The following PKHD1 variants were observed in gnomAD, a reference collection of about 807,000 sequenced individuals.
The protein encoded by PKHD1 is PKHD1 ciliary IPT domain containing fibrocystin/polyductin, also known as fibrocystin.
A neutral mutation model predicts 412.0 loss-of-function variants in PKHD1; 291 were observed. The observed-to-expected ratio is 0.71, with a 90% CI of 0.64 to 0.78. The LOEUF is 0.78. Ranked by LOEUF, PKHD1 falls within the 30% of genes least tolerant of loss-of-function variation. The pLI is 0.00. For missense variants in PKHD1, 4,825 were observed against 4,950.7 expected, an observed-to-expected ratio of 0.97 and a Z score of 0.76; for synonymous variants, 1,777 against 1,821.5, an observed-to-expected ratio of 0.98 and a Z score of 0.62.
chr6:51,982,792 C>A (rs1795648343), intron 35 of PKHD1, among the ~76,000 whole-genome samples: 3 of 120,494 alleles, frequency 2.5e-5, no homozygotes, highest in Admixed American at 8.4e-5. Flanking sequence ...CGAGAAACAC[C>A]CAAGAATGAT....
chr6:51,891,941 C>T (rs79443397), intron 43 of PKHD1, among the ~76,000 whole-genome samples: 1 of 152,262 alleles, frequency 6.6e-6, no homozygotes, highest in Non-Finnish European at 1.5e-5. Flanking sequence ...CAGGCAGCAG[C>T]CAGGACCTGG....
chr6:51,727,331 C>T (rs1009435427), intron 60 of PKHD1, among the ~76,000 whole-genome samples: 33 of 152,086 alleles, frequency 2.2e-4, no homozygotes, highest in Admixed American at 2.1e-3. Context: ...ATTTCTGCCT[C>T]CTCAGATGAA....
At chr6:51,990,039 GTTAT>G (rs71655179) in intron 35 of PKHD1, among the ~76,000 whole-genome samples, 57,853 of 145,068 alleles carry the variant, frequency 0.4, 13,846 homozygotes, top group Admixed American at 0.54. Context: ...TGCGTTTATT[GTTAT>G]TTATTTATTT....
At chr6:51,900,870 C>A (rs537759179) in intron 43 of PKHD1, among the ~76,000 whole-genome samples, 1 of 152,190 alleles carries the variant, frequency 6.6e-6, no homozygotes, top group Non-Finnish European at 1.5e-5. Context: ...CATGAACAGA[C>A]ACTTCTCAAA....
At chr6:51,996,250 C>T (rs1052308570) in intron 35 of PKHD1, among the ~76,000 whole-genome samples, 1 of 146,150 alleles carries the variant, frequency 6.8e-6, no homozygotes, top group Non-Finnish European at 1.5e-5. Flanking sequence ...ACCTCATGAT[C>T]CTCCCGCCTC....
intron 28 of PKHD1, among the ~76,000 whole-genome samples, chr6:52,034,563 G>A (rs542146034): frequency 3.6e-4 from 55 of 152,150 alleles, no homozygotes; most frequent in Non-Finnish European, 6.0e-4. Context: ...AATCACACAC[G>A]TGCACAATGA....
intron 21 of PKHD1, 21 bp downstream of exon 21, chr6:52,053,055 G>A (rs1448075805): frequency 1.9e-6 from 3 of 1,611,600 alleles, no homozygotes; most frequent in Non-Finnish European, 1.7e-6. Flanking sequence ...GCTTGTGGAG[G>A]AGAGAGAATT....
chr6:52,067,409 A>AT (rs1809900339), intron 11 of PKHD1, among the ~76,000 whole-genome samples: 1 of 152,308 alleles, frequency 6.6e-6, no homozygotes, highest in African/African-American at 2.4e-5. Context: ...ATATTTGATA[A>AT]TTTTTTTCAA....
chr6:51,941,535 G>A (rs113673847), intron 36 of PKHD1, among the ~76,000 whole-genome samples: 2,055 of 151,158 alleles, frequency 0.014, 54 homozygotes, highest in African/African-American at 0.047. Context: ...GATTACAGGC[G>A]TGAGCCACCG....
intron 43 of PKHD1, among the ~76,000 whole-genome samples, chr6:51,899,155 AACTCAATTT>A (rs1322682490): frequency 8.5e-5 from 13 of 152,238 alleles, no homozygotes; most frequent in African/African-American, 3.1e-4. Context: ...AATCCTCCCT[AACTCAATTT>A]ATGAGGCCAG....
intron 64 of PKHD1, among the ~76,000 whole-genome samples, chr6:51,634,556 T>A (rs1768297197): frequency 6.6e-6 from 1 of 152,222 alleles, no homozygotes; most frequent in Non-Finnish European, 1.5e-5. Context: ...TTCCCATTCT[T>A]AAGATATTTA....
chr6:51,704,927 A>G (rs1779838246), intron 60 of PKHD1, among the ~76,000 whole-genome samples: 1 of 152,030 alleles, frequency 6.6e-6, no homozygotes, highest in Admixed American at 6.6e-5. Context: ...GAATACTAAC[A>G]TTGGAGGTAT....
chr6:52,082,340 T>A (rs1414637087), intron 4 of PKHD1, 52 bp downstream of exon 4: 7 of 1,584,418 alleles, frequency 4.4e-6, no homozygotes, highest in Non-Finnish European at 6.1e-6. Flanking sequence ...GATACTGAGA[T>A]AAGCAAAAAT....
At chr6:51,901,218 C>T (rs985256713) in intron 43 of PKHD1, among the ~76,000 whole-genome samples, 13 of 152,148 alleles carry the variant, frequency 8.5e-5, no homozygotes, top group Non-Finnish European at 1.5e-4. Flanking sequence ...GACACATGCA[C>T]ACGTATGTTT....
rs1215569251 is a variant in PKHD1 at position 52,043,094 on chromosome 6, A to G, written c.2862T>C (p.Gly954=). 1.2e-5 allele frequency: 19 copies of G among 1,613,460 alleles called. No individual in the cohort carries two copies. Among genetic ancestry groups the G allele is most frequent in the Middle Eastern group, 1.6e-4 (1 of 6,062 alleles). Residue 954 remains glycine, a synonymous_variant, in exon 27 of 67, where the codon GGT becomes GGC. Transcript: ENST00000371117. Reference sequence around the variant, plus strand: ...GCAAGAACTGGGAGTCACCAGAGAAACCAGTTCCGGTAATGTAAATCATTA... The same window carrying G: ...GCAAGAACTGGGAGTCACCAGAGAAGCCAGTTCCGGTAATGTAAATCATTA... The part of the protein sequence containing the change: ...INLMIYITGT[G]FSGDSQFLQV...
At chr6:51,704,870 G>C (rs1356325820) in intron 60 of PKHD1, among the ~76,000 whole-genome samples, 1 of 151,944 alleles carries the variant, frequency 6.6e-6, no homozygotes, top group Admixed American at 6.6e-5. Flanking sequence ...ATCAGGAGGA[G>C]AAAAATTAAG....
chr6:52,071,346 A>G (rs564786317), intron 8 of PKHD1, among the ~76,000 whole-genome samples: 1 of 152,010 alleles, frequency 6.6e-6, no homozygotes, highest in East Asian at 2.0e-4. Flanking sequence ...AATGTGTCAT[A>G]TGACAAGTAT....
At chr6:51,850,700 T>C (rs1203292621) in intron 49 of PKHD1, among the ~76,000 whole-genome samples, 1 of 152,184 alleles carries the variant, frequency 6.6e-6, no homozygotes, top group Non-Finnish European at 1.5e-5. Flanking sequence ...TGCTTGCCTA[T>C]TGTTGGTGTA....
intron 29 of PKHD1, among the ~76,000 whole-genome samples, chr6:52,032,252 A>G (rs1401493724): frequency 6.6e-6 from 1 of 152,200 alleles, no homozygotes; most frequent in African/African-American, 2.4e-5. Context: ...TCTTTTTACA[A>G]TAAACCCTTA....
Sources: gnomAD v4.1 joint callset for allele counts (sites outside exome capture counted in the v4.1 genomes callset) on GRCh38, gnomAD v4.1.1 for gene constraint, MANE v1.5 for transcripts, NCBI Gene and HGNC (gene_info 2026-07-23, HGNC 2026-07-21) for gene names.